CARM1: variants seen among roughly 807,000 people sequenced by gnomAD.
CARM1 encodes the protein coactivator associated arginine methyltransferase 1, also known as histone-arginine methyltransferase CARM1.
Under a neutral mutation model 72.7 loss-of-function variants are expected in CARM1, and 14 were observed. The observed-to-expected ratio is 0.19, with a 90% CI of 0.13 to 0.30. The LOEUF (loss-of-function observed/expected upper bound fraction) is 0.30, where lower values mean the gene tolerates loss of function less well. CARM1 is among the 10% of genes least tolerant of loss of function. The probability of loss-of-function intolerance (pLI) is 1.00; values close to 1 mark genes in which losing one functional copy is unlikely to be tolerated. For missense variants in CARM1, 432 were observed against 833.7 expected, an observed-to-expected ratio of 0.52 and a Z score of 5.93; for synonymous variants, 333 against 345.5, an observed-to-expected ratio of 0.96 and a Z score of 0.40.
chr19:10,897,038 C>T (rs1273796214), intron 1 of CARM1, among the ~76,000 whole-genome samples: 1 of 152,174 alleles, frequency 6.6e-6, no homozygotes, highest in Non-Finnish European at 1.5e-5. Context: ...TCAGATTCCC[C>T]AGCAGAGATC....
At chr19:10,884,918 T>G (rs1386822625) in intron 1 of CARM1, among the ~76,000 whole-genome samples, 1 of 152,076 alleles carries the variant, frequency 6.6e-6, no homozygotes, top group East Asian at 1.9e-4. Context: ...GTTGGCCAGG[T>G]TGGTCTCAAA....
Position 10,919,723 on chromosome 19 carries a change from C to T in CARM1, c.1106+43C>T, listed in dbSNP as rs367758899. On this transcript the variant is annotated intron_variant, in intron 9 of 15. Transcript: ENST00000327064. ...CCATCCTCCCAGGCCTGGCTCAGGC[C>T]GAAGGTCAGGGCCACCCCTGGCTCC... The T allele has an allele frequency of 1.5e-5, 23 of 1,581,862 alleles. No homozygotes were observed. In the African/African-American group the frequency reaches 2.2e-4, roughly 15 times the overall value.
chr19:10,892,626 C>T (rs896916800), intron 1 of CARM1, among the ~76,000 whole-genome samples: 2 of 152,210 alleles, frequency 1.3e-5, no homozygotes, highest in Non-Finnish European at 2.9e-5. Flanking sequence ...ATGGTAACAG[C>T]AGCTGCTCTT....
chr19:10,919,351 A>T (rs2074222275), intron 8 of CARM1: 2 of 501,116 alleles, frequency 4.0e-6, no homozygotes, highest in Non-Finnish European at 7.0e-6. Flanking sequence ...ATGTATCTGG[A>T]GGTTAAACTC....
chr19:10,886,520 CT>C (rs372792445), intron 1 of CARM1, among the ~76,000 whole-genome samples: 1 of 147,148 alleles, frequency 6.8e-6, no homozygotes. Flanking sequence ...TATCTTTTAT[CT>C]TTTTTTTTCT....
chr19:10,878,363 G>A (rs1470449613), intron 1 of CARM1, among the ~76,000 whole-genome samples: 1 of 152,194 alleles, frequency 6.6e-6, no homozygotes, highest in Non-Finnish European at 1.5e-5. Context: ...GGTCTGTGGG[G>A]AGTTTGGCCC....
In CARM1 at chr19:10,916,976, T is replaced by G. The variant is rs2074202541; in HGVS notation, c.1020+199T>G. Among the ~76,000 whole-genome samples the G allele has an allele frequency of 6.6e-6, 1 of 152,038 alleles. No homozygotes were observed. The highest frequency in any genetic ancestry group is 1.5e-5 in the Non-Finnish European group (1 of 68,006). On this transcript the variant is annotated intron_variant, in intron 8 of 15. Coordinates refer to ENST00000327064, the MANE Select transcript of CARM1 (RefSeq NM_199141.2). The surrounding 1 kb of genome is among the most constrained non-coding windows in gnomAD (Gnocchi z 4.4). ...ACATGCAATACATGTGGAACATTATTAGGTGAGGCTAAGGCAGAGGGGGCA... is the reference window on the plus strand; with the variant it reads ...ACATGCAATACATGTGGAACATTATGAGGTGAGGCTAAGGCAGAGGGGGCA...
chr19:10,918,022 T>G (rs1310759269), intron 8 of CARM1, among the ~76,000 whole-genome samples: 3 of 152,038 alleles, frequency 2.0e-5, no homozygotes, highest in Non-Finnish European at 2.9e-5. Context: ...TGTTCAGTCT[T>G]TTGTGATATC....
chr19:10,918,024 T>C (rs1321183761), intron 8 of CARM1, among the ~76,000 whole-genome samples: 2 of 152,076 alleles, frequency 1.3e-5, no homozygotes, highest in Non-Finnish European at 2.9e-5. Flanking sequence ...TTCAGTCTTT[T>C]GTGATATCAC....
Position 10,905,088 on chromosome 19 carries a change from T to A in CARM1, c.346+12T>A, listed in dbSNP as rs1409785952. 5 of 1,611,810 alleles carry A rather than the reference T, an allele frequency of 3.1e-6. No homozygotes were observed. The highest frequency in any genetic ancestry group is 1.3e-5 in the African/African-American group (1 of 74,894). ...CGCCACACCCAACGGTACGTGGCCC[T>A]CCTTCCATTCCGGTGACACCAGCCC... On this transcript the variant is annotated intron_variant, in intron 2 of 15. Coordinates refer to ENST00000327064, the MANE Select transcript of CARM1 (RefSeq NM_199141.2).
At chr19:10,913,431 G>A (rs1444780214) in intron 5 of CARM1, among the ~76,000 whole-genome samples, 3 of 151,928 alleles carry the variant, frequency 2.0e-5, no homozygotes, top group South Asian at 2.1e-4. Context: ...CCAGCTACTC[G>A]GGAGGCTGAG....
At chr19:10,904,387 G>A (rs1375507890) in intron 1 of CARM1, among the ~76,000 whole-genome samples, 1 of 152,220 alleles carries the variant, frequency 6.6e-6, no homozygotes, top group Non-Finnish European at 1.5e-5. Flanking sequence ...ATGAATGACT[G>A]GTAACAGCTA....
At chr19:10,893,001 G>GC (rs2073998899) in intron 1 of CARM1, among the ~76,000 whole-genome samples, 1 of 150,180 alleles carries the variant, frequency 6.7e-6, no homozygotes, top group Non-Finnish European at 1.5e-5. Flanking sequence ...TCCCAAAGTG[G>GC]TGGGATTACA....
intron 1 of CARM1, among the ~76,000 whole-genome samples, chr19:10,887,110 AC>A (rs1359359260): frequency 6.6e-6 from 1 of 152,150 alleles, no homozygotes; most frequent in Non-Finnish European, 1.5e-5. Flanking sequence ...TGGGATGTGA[AC>A]CCAGGTTTGG....
In CARM1 at chr19:10,921,072, G is replaced by C; in HGVS notation, c.1560G>C (p.Leu520Phe). 1.9e-6 allele frequency: 3 copies of C among 1,614,194 alleles called. No homozygotes were observed. The highest frequency in any genetic ancestry group is 2.5e-6 in the Non-Finnish European group (3 of 1,180,010). ...CAGGGATGCCGACCGCCTATGACTT[G>C]AGCAGTGTTATTGCCAGTGGCTCCA... is the stretch of plus-strand genomic sequence containing the variant. ...AVAGMPTAYD[L>F]SSVIASGSSV... Residue 520 changes from leucine (L) to phenylalanine (F), a missense_variant, in exon 14 of 16, where the codon TTG becomes TTC. This residue lies in a region of CARM1 where 142 missense variants were observed against 188.7 expected (regional missense o/e 0.75). Coordinates refer to ENST00000327064, the MANE Select transcript of CARM1 (RefSeq NM_199141.2).
At chr19:10,917,446 C>G (rs2074206983) in intron 8 of CARM1, among the ~76,000 whole-genome samples, 1 of 151,990 alleles carries the variant, frequency 6.6e-6, no homozygotes, top group South Asian at 2.1e-4. Flanking sequence ...CACTGCACTC[C>G]AGCCTGGGCG....
At chr19:10,872,726 C>T (rs1394510333) in intron 1 of CARM1, among the ~76,000 whole-genome samples, 3 of 151,992 alleles carry the variant, frequency 2.0e-5, no homozygotes, top group Non-Finnish European at 4.4e-5. Context: ...CAGCACCCCC[C>T]ACCCCCGCTC....
At chr19:10,876,881 G>A (rs972348476) in intron 1 of CARM1, among the ~76,000 whole-genome samples, 2 of 152,244 alleles carry the variant, frequency 1.3e-5, no homozygotes, top group African/African-American at 4.8e-5. Context: ...AAATGACTGT[G>A]TCACTTTTCT....
rs2074231583 is a variant in CARM1 at position 10,920,312 on chromosome 19, C to G, written c.1197-124C>G. On this transcript the variant is annotated intron_variant, in intron 10 of 15. Transcript: ENST00000327064. The surrounding 1 kb of genome is among the most constrained non-coding windows in gnomAD (Gnocchi z 5.3). The stretch of plus-strand genomic sequence containing the variant: ...CTGCCTGGGGGCCAGCCTGTCTCTG[C>G]TCCAGGGTCCCAGGGGTCCCTGGCA... 8.5e-7 allele frequency: 1 copy of G among 1,180,782 alleles called. No individual in the cohort carries two copies. Among genetic ancestry groups the G allele is most frequent in the Admixed American group, 2.6e-5 (1 of 38,958 alleles). 73.1% of individuals were successfully genotyped at this position (1,180,782 alleles called of 1,614,324 possible).
Sources: gnomAD v4.1 joint callset for allele counts (sites outside exome capture counted in the v4.1 genomes callset) on GRCh38, gnomAD v4.1.1 for gene constraint, gnomAD v4.1.1 regional missense constraint, Gnocchi (gnomAD v3.1) non-coding constraint, MANE v1.5 for transcripts, NCBI Gene and HGNC (gene_info 2026-07-23, HGNC 2026-07-21) for gene names.